The following TRHDE variants were observed in gnomAD, a reference collection of about 807,000 sequenced individuals.
TRHDE encodes the protein thyrotropin releasing hormone degrading enzyme, also known as thyrotropin-releasing hormone-degrading ectoenzyme.
In TRHDE, 72 loss-of-function variants were observed where a neutral mutation model predicts 125.7. The observed-to-expected ratio is 0.57, with a 90% CI of 0.47 to 0.70. The LOEUF is 0.70. TRHDE is among the 30% of genes least tolerant of loss of function. The pLI, the probability that TRHDE is intolerant of heterozygous loss-of-function variation, is 0.00. For missense variants in TRHDE, 1,110 were observed against 1,327.1 expected, an observed-to-expected ratio of 0.84 and a Z score of 2.54; for synonymous variants, 509 against 509.1, an observed-to-expected ratio of 1.00 and a Z score of 0.00.
chr12:72,579,099 T>C (rs1224485457), intron 12 of TRHDE, among the ~76,000 whole-genome samples: 1 of 151,826 alleles, frequency 6.6e-6, no homozygotes, highest in Non-Finnish European at 1.5e-5. Context: ...TTGCAATGAG[T>C]GTCCATGAGG....
chr12:72,203,897 A>G (rs937285519), intron 2 of TRHDE, among the ~76,000 whole-genome samples: 2 of 152,200 alleles, frequency 1.3e-5, no homozygotes, highest in African/African-American at 2.4e-5. Flanking sequence ...TAGTAAGATT[A>G]GCTGCTCTCC....
intron 10 of TRHDE, among the ~76,000 whole-genome samples, chr12:72,570,871 C>A (rs1870692564): frequency 6.6e-6 from 1 of 152,148 alleles, no homozygotes; most frequent in South Asian, 2.1e-4. Flanking sequence ...TAAGGTGCGA[C>A]TTGGACATTT....
intron 7 of TRHDE, among the ~76,000 whole-genome samples, chr12:72,551,713 T>A (rs1214895): frequency 0.97 from 147,371 of 152,142 alleles, 71,399 homozygotes; most frequent in East Asian, 1. Context: ...TGTTCTCATG[T>A]ATCATGTAAC....
At chr12:72,112,514 C>A (rs1875340159) in intron 2 of TRHDE, among the ~76,000 whole-genome samples, 1 of 152,166 alleles carries the variant, frequency 6.6e-6, no homozygotes, top group East Asian at 1.9e-4. Flanking sequence ...ACAGGGCACA[C>A]AGTAGGTACC....
chr12:72,137,496 A>T (rs1592454503), intron 2 of TRHDE: 3 of 152,136 alleles, frequency 2.0e-5, no homozygotes, highest in Admixed American at 2.0e-4. Context: ...TTTAGAGAGA[A>T]CCACTAATGC....
At chr12:72,323,391 T>C (rs1049111221) in intron 2 of TRHDE, among the ~76,000 whole-genome samples, 3 of 152,128 alleles carry the variant, frequency 2.0e-5, no homozygotes, top group African/African-American at 7.2e-5. Flanking sequence ...TCCAACAGAA[T>C]ACACTTTAGA....
rs546910807 is a variant in TRHDE, at chr12:72,095,613, A to G, written n.174+8174A>G. Among the ~76,000 whole-genome samples the G allele has an allele frequency of 5.9e-4, 90 of 152,266 alleles. 1 individual carries two copies. Among genetic ancestry groups the G allele is most frequent in the African/African-American group, 2.1e-3 (87 of 41,558 alleles). On this transcript the variant is annotated intron_variant and non_coding_transcript_variant, in intron 1 of 4. Transcript: ENST00000548156. ...GGACAATGCTATTTCTATTATATTC[A>G]ACTCTGCTTTCTGTTTCTTTCAGAC... is the stretch of plus-strand genomic sequence containing the variant.
intron 1 of TRHDE, among the ~76,000 whole-genome samples, chr12:72,103,156 G>A (rs1875107249): frequency 6.6e-6 from 1 of 152,142 alleles, no homozygotes; most frequent in African/African-American, 2.4e-5. Flanking sequence ...GAACAATTAG[G>A]TCTCATTTGG....
chr12:72,479,316 T>A (rs892403709), intron 5 of TRHDE, among the ~76,000 whole-genome samples: 1 of 152,132 alleles, frequency 6.6e-6, no homozygotes, highest in Non-Finnish European at 1.5e-5. Context: ...GGATTCACAG[T>A]TGCTTGGGAA....
chr12:72,344,060 A>C (rs1454045877), intron 2 of TRHDE, among the ~76,000 whole-genome samples: 1 of 152,072 alleles, frequency 6.6e-6, no homozygotes, highest in Non-Finnish European at 1.5e-5. Context: ...ATACAGCCAG[A>C]TTAAAGATGA....
intron 2 of TRHDE, among the ~76,000 whole-genome samples, chr12:72,223,632 CCTGT>C (rs1260506073): frequency 7.9e-5 from 12 of 152,124 alleles, no homozygotes; most frequent in East Asian, 3.9e-4. Context: ...AATTTATCTA[CCTGT>C]CTATCTTAAT....
At chr12:72,231,842 T>C (rs1467344953) in intron 2 of TRHDE, among the ~76,000 whole-genome samples, 2 of 152,188 alleles carry the variant, frequency 1.3e-5, no homozygotes, top group African/African-American at 2.4e-5. Context: ...TAATCAGAGC[T>C]GGAGTAGAAT....
At chr12:72,260,817 C>G (rs1878934331) in intron 2 of TRHDE, among the ~76,000 whole-genome samples, 2 of 152,178 alleles carry the variant, frequency 1.3e-5, no homozygotes, top group African/African-American at 4.8e-5. Context: ...GTCCCAGAAT[C>G]TTTGCTTACT....
chr12:72,480,849 C>A (rs1234056233), intron 5 of TRHDE, among the ~76,000 whole-genome samples: 2 of 152,030 alleles, frequency 1.3e-5, no homozygotes, highest in Admixed American at 1.3e-4. Flanking sequence ...AAAAATTATA[C>A]CAAAATGACA....
intron 3 of TRHDE, among the ~76,000 whole-genome samples, chr12:72,382,885 T>C (rs1399531261): frequency 6.6e-6 from 1 of 152,222 alleles, no homozygotes; most frequent in Non-Finnish European, 1.5e-5. Context: ...CCTCATCTCA[T>C]GCTAGTTCAT....
At chr12:72,170,196 A>G (rs1876839438) in intron 2 of TRHDE, among the ~76,000 whole-genome samples, 2 of 152,178 alleles carry the variant, frequency 1.3e-5, no homozygotes, top group Admixed American at 1.3e-4. Context: ...CAAGGGCTGG[A>G]TTTCTTAAAG....
chr12:72,362,827 T>A (rs1165157225), intron 2 of TRHDE, among the ~76,000 whole-genome samples: 3 of 152,112 alleles, frequency 2.0e-5, no homozygotes, highest in Non-Finnish European at 4.4e-5. Flanking sequence ...GGGAATCCTT[T>A]CCCCATTGCT....
chr12:72,444,017 A>G (rs1875151955), intron 3 of TRHDE, among the ~76,000 whole-genome samples: 1 of 151,898 alleles, frequency 6.6e-6, no homozygotes, highest in African/African-American at 2.4e-5. Context: ...CTAAATGCTA[A>G]TTTATTTCCT....
chr12:72,596,591 A>G (rs1027124086), intron 12 of TRHDE, among the ~76,000 whole-genome samples: 3 of 152,200 alleles, frequency 2.0e-5, no homozygotes, highest in African/African-American at 7.2e-5. Context: ...CAAGGAAGGC[A>G]TGGTCAGTTC....
Sources: allele counts gnomAD v4.1 joint callset (sites outside exome capture counted in the v4.1 genomes callset), GRCh38; gene constraint gnomAD v4.1.1; transcripts MANE v1.5; gene names NCBI Gene and HGNC (gene_info 2026-07-23, HGNC 2026-07-21).